Variants in LANCL2 observed in about 807,000 individuals in gnomAD.
The protein encoded by LANCL2 is LanC like glutathione S-transferase 2, also known as lanC-like protein 2.
LANCL2 carries 33 observed loss-of-function variants against 56.9 expected under a neutral mutation model. The observed-to-expected ratio is 0.58, with a 90% CI of 0.44 to 0.78. LANCL2 has a LOEUF of 0.78. Ranked by LOEUF, LANCL2 falls within the 30% of genes least tolerant of loss-of-function variation. The pLI is 0.00. For synonymous variants in LANCL2, 233 were observed against 228.2 expected (o/e 1.02, Z -0.19); for missense variants, 562 against 580.2 (o/e 0.97, Z 0.32).
chr7:55,428,556 A>G, intron 8 of LANCL2, 109 bp downstream of exon 8: 1 of 816,302 alleles, frequency 1.2e-6, no homozygotes, highest in Non-Finnish European at 2.1e-6. Flanking sequence ...ATACTTCCAA[A>G]CTGTAAAATA....
intron 1 of LANCL2, among the ~76,000 whole-genome samples, chr7:55,386,494 G>A (rs1340925560): frequency 6.6e-6 from 1 of 152,222 alleles, no homozygotes; most frequent in East Asian, 1.9e-4. Context: ...GAATGGTGGT[G>A]TGGGGTGTGC....
chr7:55,410,716 A>G (rs936265624), intron 5 of LANCL2, among the ~76,000 whole-genome samples: 7 of 152,230 alleles, frequency 4.6e-5, no homozygotes, highest in African/African-American at 1.7e-4. Context: ...TGGTGTTAAC[A>G]TGTCACCCTG....
intron 1 of LANCL2, among the ~76,000 whole-genome samples, chr7:55,387,821 T>C (rs1374409785): frequency 6.6e-6 from 1 of 152,236 alleles, no homozygotes; most frequent in Non-Finnish European, 1.5e-5. Context: ...ACAACCTTAC[T>C]TTAAGATAAT....
chr7:55,398,976 A>G (rs1456981641), intron 3 of LANCL2, among the ~76,000 whole-genome samples: 11 of 152,224 alleles, frequency 7.2e-5, no homozygotes, highest in Admixed American at 7.2e-4. Context: ...TAGATATGCT[A>G]ATGATGGAAC....
At chr7:55,430,401 T>C (rs946838666) in intron 8 of LANCL2, among the ~76,000 whole-genome samples, 8 of 151,974 alleles carry the variant, frequency 5.3e-5, no homozygotes, top group Admixed American at 3.9e-4. Flanking sequence ...CTCATAAGAG[T>C]GCCAGAGCAG....
chr7:55,421,090 T>G (rs773212068), intron 6 of LANCL2, among the ~76,000 whole-genome samples: 2 of 152,216 alleles, frequency 1.3e-5, no homozygotes, highest in Non-Finnish European at 2.9e-5. Flanking sequence ...TGACACATCT[T>G]TTTGCTTTCA....
At chr7:55,381,256 G>A (rs777645190) in intron 1 of LANCL2, among the ~76,000 whole-genome samples, 5 of 152,168 alleles carry the variant, frequency 3.3e-5, no homozygotes, top group Non-Finnish European at 7.3e-5. Context: ...CTGGAGCTAA[G>A]TTTCATTTAC....
chr7:55,417,708 A>T (rs1309131817), intron 6 of LANCL2, among the ~76,000 whole-genome samples: 2 of 151,878 alleles, frequency 1.3e-5, no homozygotes, highest in Non-Finnish European at 2.9e-5. Flanking sequence ...TTTGAGATGG[A>T]GTCTTGCTTG....
At chr7:55,368,994 T>G (rs1789907083) in intron 1 of LANCL2, among the ~76,000 whole-genome samples, 1 of 151,942 alleles carries the variant, frequency 6.6e-6, no homozygotes, top group African/African-American at 2.4e-5. Context: ...TAAAAAGAAT[T>G]GTAAAAGAGA....
intron 5 of LANCL2, chr7:55,411,215 TTTTA>T (rs2128995176): frequency 6.6e-6 from 1 of 150,576 alleles, no homozygotes; most frequent in South Asian, 2.1e-4. Flanking sequence ...CTTTGAATGT[TTTTA>T]TTTAAGTCCT....
chr7:55,409,015 T>G (rs62457872), intron 5 of LANCL2, among the ~76,000 whole-genome samples: 23,207 of 149,904 alleles, frequency 0.15, 1,997 homozygotes, highest in Middle Eastern at 0.27. Flanking sequence ...AAACAGGTTA[T>G]GTACAAAGTC....
Position 55,401,158 on chromosome 7 carries a change from C to T in LANCL2, c.679-16C>T. The T allele has an allele frequency of 6.2e-7, 1 of 1,612,072 alleles. No homozygotes were observed. The highest frequency in any genetic ancestry group is 8.5e-7 in the Non-Finnish European group (1 of 1,178,342). On this transcript the variant is annotated splice_polypyrimidine_tract_variant and intron_variant, in intron 4 of 8. Coordinates refer to ENST00000254770, the MANE Select transcript of LANCL2 (RefSeq NM_018697.4). ...ATATACAGTTTTAGATTTATGCTGTCTTGTTATCTCTGTAGGTAGTCAATG... is the reference window on the plus strand; with the variant it reads ...ATATACAGTTTTAGATTTATGCTGTTTTGTTATCTCTGTAGGTAGTCAATG...
At chr7:55,391,956 T>C in intron 2 of LANCL2, 46 bp downstream of exon 2, 3 of 1,090,604 alleles carry the variant, frequency 2.8e-6, no homozygotes, top group Non-Finnish European at 4.2e-6. Context: ...ATTCTTAGAT[T>C]ATGAGATGTA....
chr7:55,373,046 A>G (rs1789962524), intron 1 of LANCL2, among the ~76,000 whole-genome samples: 1 of 152,180 alleles, frequency 6.6e-6, no homozygotes, highest in African/African-American at 2.4e-5. Flanking sequence ...CATGCTGTGC[A>G]CCTTTGGGCC....
intron 6 of LANCL2, among the ~76,000 whole-genome samples, chr7:55,414,336 A>G (rs1334223152): frequency 2.0e-5 from 3 of 152,182 alleles, no homozygotes; most frequent in Non-Finnish European, 2.9e-5. Context: ...CTCTCAAGTT[A>G]CAGTTAAGTT....
intron 7 of LANCL2, among the ~76,000 whole-genome samples, chr7:55,427,272 T>C (rs138064809): frequency 7.2e-5 from 11 of 152,286 alleles, no homozygotes; most frequent in African/African-American, 2.6e-4. Context: ...AGCACTAATA[T>C]TTTTCAAGCT....
At position 55,425,343 on chromosome 7, in the gene LANCL2, A is replaced by G. The variant is rs764801157; in HGVS notation, c.1098A>G (p.Ile366Met). The part of the protein sequence containing the change: ...QRGLLRKGYG[I>M]CHGTAGNGYS... ...GTTTGCTGCGGAAGGGCTACGGGAT[A>G]TGCCATGGGACTGCTGGCAACGGCT... Residue 366 changes from isoleucine to methionine, a missense_variant, in exon 7 of 9, where the codon ATA becomes ATG. Around this residue, in one of 2 missense-constraint regions of LANCL2, gnomAD observed 378 missense variants for 468.4 expected, o/e 0.81. Transcript: ENST00000254770. 20 of 1,614,064 alleles carry G rather than the reference A, an allele frequency of 1.2e-5. No individual in the cohort carries two copies. In the East Asian group the frequency reaches 3.8e-4, roughly 31 times the overall value.
At chr7:55,407,309 C>T (rs1790419432) in intron 5 of LANCL2, among the ~76,000 whole-genome samples, 1 of 152,176 alleles carries the variant, frequency 6.6e-6, no homozygotes, top group South Asian at 2.1e-4. Context: ...TCACCGCCAG[C>T]CTCAGGCACC....
chr7:55,378,861 G>A (rs899177575), intron 1 of LANCL2, among the ~76,000 whole-genome samples: 5 of 152,298 alleles, frequency 3.3e-5, no homozygotes, highest in African/African-American at 7.2e-5. Context: ...GGCTGGGCGC[G>A]GTGGCTCACG....
Sources: allele counts gnomAD v4.1 joint callset (sites outside exome capture counted in the v4.1 genomes callset), GRCh38; gene constraint gnomAD v4.1.1; regional missense constraint gnomAD v4.1.1; transcripts MANE v1.5; gene names NCBI Gene and HGNC (gene_info 2026-07-23, HGNC 2026-07-21).